Variants in TBCD observed in about 807,000 individuals in gnomAD.
TBCD encodes tubulin folding cofactor D.
Under a neutral mutation model 169.3 loss-of-function variants are expected in TBCD, and 105 were observed. That is an observed-to-expected ratio of 0.62 (90% CI 0.53 to 0.73). TBCD has a LOEUF of 0.73. Among genes scored for constraint, TBCD ranks in the 30% least tolerant of loss-of-function variants. The pLI, the probability that TBCD is intolerant of heterozygous loss-of-function variation, is 0.00. For synonymous variants in TBCD, 700 were observed against 643.9 expected, an observed-to-expected ratio of 1.09 and a Z score of -1.32; for missense variants, 1,444 against 1,600.1, an observed-to-expected ratio of 0.90 and a Z score of 1.66.
intron 29 of TBCD, among the ~76,000 whole-genome samples, chr17:82,927,667 T>C (rs2061868940): frequency 6.6e-6 from 1 of 152,114 alleles, no homozygotes. Context: ...CTGAAACGCC[T>C]GTGTGTGTAG....
At chr17:82,916,036 A>G (rs530995753) in intron 23 of TBCD, among the ~76,000 whole-genome samples, 1 of 152,324 alleles carries the variant, frequency 6.6e-6, no homozygotes, top group Non-Finnish European at 1.5e-5. Context: ...TTACCTGTAC[A>G]GATACCCTGT....
At chr17:82,907,017 T>C (rs1441166932) in intron 20 of TBCD, among the ~76,000 whole-genome samples, 1 of 152,166 alleles carries the variant, frequency 6.6e-6, no homozygotes, top group African/African-American at 2.4e-5. Context: ...ACCTGTGAGG[T>C]GTCTATCAGG....
chr17:82,830,175 C>T (rs1160308844), intron 13 of TBCD: 2 of 1,614,192 alleles, frequency 1.2e-6, no homozygotes, highest in Middle Eastern at 3.3e-4. Flanking sequence ...GTAGTGTGAA[C>T]ACTCTGGCCG....
At chr17:82,849,399 A>G (rs748283260) in intron 13 of TBCD, among the ~76,000 whole-genome samples, 104 of 152,280 alleles carry the variant, frequency 6.8e-4, no homozygotes, top group Non-Finnish European at 1.3e-3. Flanking sequence ...TCACATTTCC[A>G]TCCATTGCAG....
intron 2 of TBCD, among the ~76,000 whole-genome samples, chr17:82,756,623 G>T (rs536364682): frequency 2.3e-4 from 35 of 152,302 alleles, no homozygotes; most frequent in Admixed American, 1.0e-3. Flanking sequence ...GGGATTACAG[G>T]CATGCGCCAC....
At chr17:82,870,199 C>A in intron 13 of TBCD, 25 bp from the exon 14 acceptor site, 1 of 1,611,980 alleles carries the variant, frequency 6.2e-7, no homozygotes. Flanking sequence ...TGCTCCTCAC[C>A]GTCTTTTCTC....
chr17:82,793,323 C>T (rs1047758889), intron 7 of TBCD, among the ~76,000 whole-genome samples: 4 of 152,274 alleles, frequency 2.6e-5, no homozygotes, highest in East Asian at 1.9e-4. Context: ...CCCTAGGCCC[C>T]GCCTTGAGGA....
intron 13 of TBCD, among the ~76,000 whole-genome samples, chr17:82,817,662 G>T (rs780212496): frequency 1.3e-5 from 2 of 152,128 alleles, no homozygotes; most frequent in Admixed American, 1.3e-4. Flanking sequence ...GCCCAGGCTC[G>T]TCTTGAACTT....
chr17:82,936,595 C>G (rs1051764006), intron 34 of TBCD, among the ~76,000 whole-genome samples: 1 of 152,236 alleles, frequency 6.6e-6, no homozygotes, highest in Admixed American at 6.5e-5. Context: ...CTTAGTTTGC[C>G]TTTTCTGGGC....
At chr17:82,910,544 G>A (rs937369977) in intron 22 of TBCD, among the ~76,000 whole-genome samples, 4 of 151,764 alleles carry the variant, frequency 2.6e-5, no homozygotes, top group Non-Finnish European at 5.9e-5. Context: ...CTCCAGCTCT[G>A]TGGTTCACTT....
chr17:82,817,237 A>ATTCCC (rs1222262730), intron 13 of TBCD, among the ~76,000 whole-genome samples: 1 of 151,988 alleles, frequency 6.6e-6, no homozygotes, highest in Non-Finnish European at 1.5e-5. Context: ...CTCAAGCCAT[A>ATTCCC]TTCCCACCTT....
chr17:82,851,698 G>A (rs1567891096), intron 13 of TBCD, among the ~76,000 whole-genome samples: 2 of 152,224 alleles, frequency 1.3e-5, no homozygotes, highest in Non-Finnish European at 2.9e-5. Context: ...AGAGCCAAAC[G>A]CAGCTCTTCG....
rs778224781 is a variant in TBCD, at chr17:82,781,721, G to T, written c.771G>T (p.Leu257=). ...CCATGGATGGGACGCTGCAGGCCCT[G>T]GTAAGTGCTGCCCGCAGGGGCTGTG... The part of the protein sequence containing the change: ...VITMDGTLQA[L]AQIFKHGKRE... Residue 257 remains leucine (L), a splice_region_variant and synonymous_variant, in exon 7 of 39, where the codon CTG becomes CTT. Coordinates refer to ENST00000355528, the MANE Select transcript of TBCD (RefSeq NM_005993.5). The T allele has an allele frequency of 6.2e-7, 1 of 1,613,540 alleles. No homozygotes were observed. The highest frequency in any genetic ancestry group is 2.2e-5 in the East Asian group (1 of 44,856).
At chr17:82,761,552 TGTTG>T (rs2047754904) in intron 2 of TBCD, among the ~76,000 whole-genome samples, 1 of 152,170 alleles carries the variant, frequency 6.6e-6, no homozygotes, top group South Asian at 2.1e-4. Context: ...AGGGAACCAC[TGTTG>T]GTTAATGGTA....
chr17:82,906,917 G>A (rs1007254894), intron 20 of TBCD, among the ~76,000 whole-genome samples: 2 of 152,252 alleles, frequency 1.3e-5, no homozygotes, highest in Non-Finnish European at 1.5e-5. Flanking sequence ...ATGGGGTGGG[G>A]TCTGGGGAGA....
intron 36 of TBCD, among the ~76,000 whole-genome samples, chr17:82,938,528 G>A (rs968438828): frequency 2.6e-5 from 4 of 152,206 alleles, no homozygotes; most frequent in Admixed American, 6.5e-5. Flanking sequence ...AACCTCAGAT[G>A]ATACAAAGGT....
At chr17:82,937,908 T>C in intron 35 of TBCD, 141 bp from the exon 36 acceptor site, 1 of 1,531,672 alleles carries the variant, frequency 6.5e-7, no homozygotes, top group Non-Finnish European at 8.8e-7. Flanking sequence ...CACACACACC[T>C]CCGGCTTGGG....
intron 34 of TBCD, among the ~76,000 whole-genome samples, chr17:82,934,104 ACCCAGG>A (rs1252763645): frequency 6.6e-6 from 1 of 152,192 alleles, no homozygotes; most frequent in Non-Finnish European, 1.5e-5. Context: ...GTACTGGCTG[ACCCAGG>A]CCCAGGTTAG....
At chr17:82,773,918 A>G (rs1432643314) in intron 6 of TBCD, among the ~76,000 whole-genome samples, 4 of 150,922 alleles carry the variant, frequency 2.7e-5, no homozygotes, top group African/African-American at 9.8e-5. Context: ...TTCAGTAGAG[A>G]TGGGGTTTCA....
Sources: gnomAD v4.1 joint callset for allele counts (sites outside exome capture counted in the v4.1 genomes callset) on GRCh38, gnomAD v4.1.1 for gene constraint, MANE v1.5 for transcripts, NCBI Gene and HGNC (gene_info 2026-07-23, HGNC 2026-07-21) for gene names.